DST: variants seen among roughly 807,000 people sequenced by gnomAD.
DST encodes the protein dystonin.
In DST, 253 loss-of-function variants were observed where a neutral mutation model predicts 875.2. The ratio of observed to expected loss-of-function variants is 0.29; its 90% CI spans 0.26 to 0.32. The LOEUF (loss-of-function observed/expected upper bound fraction) is 0.32. DST is among the 10% of genes least tolerant of loss of function. The probability of loss-of-function intolerance (pLI) is 1.00; values close to 1 mark genes in which losing one functional copy is unlikely to be tolerated. For synonymous variants in DST, 3,124 were observed against 3,197.1 expected, an observed-to-expected ratio of 0.98 and a Z score of 0.77; for missense variants, 8,287 against 9,111.6, an observed-to-expected ratio of 0.91 and a Z score of 3.68.
At chr6:56,588,116 C>A (rs2098197445) in intron 49 of DST, among the ~76,000 whole-genome samples, 1 of 152,152 alleles carries the variant, frequency 6.6e-6, no homozygotes, top group South Asian at 2.1e-4. Flanking sequence ...TTCTTTATAG[C>A]AACACAAGAA....
intron 5 of DST, among the ~76,000 whole-genome samples, chr6:56,720,102 G>C (rs149436489): frequency 6.6e-6 from 1 of 152,266 alleles, no homozygotes; most frequent in Non-Finnish European, 1.5e-5. Context: ...TGGGAGACTG[G>C]AGTTTATTTC....
intron 10 of DST, among the ~76,000 whole-genome samples, chr6:56,667,514 C>T (rs918654845): frequency 5.3e-5 from 8 of 152,178 alleles, no homozygotes; most frequent in African/African-American, 1.4e-4. Flanking sequence ...CACAGGACAA[C>T]GACAGAATTT....
intron 4 of DST, among the ~76,000 whole-genome samples, chr6:56,836,181 GA>G (rs1270900230): frequency 6.6e-5 from 10 of 152,016 alleles, no homozygotes; most frequent in African/African-American, 2.4e-4. Context: ...ATCAAAATCA[GA>G]ATCTTAATAA....
chr6:56,840,248 G>C (rs1311570860), intron 4 of DST, among the ~76,000 whole-genome samples: 1 of 152,046 alleles, frequency 6.6e-6, no homozygotes, highest in Non-Finnish European at 1.5e-5. Flanking sequence ...ATATGGGTTA[G>C]TTTCCTTACA....
chr6:56,734,900 T>C (rs907771215), intron 5 of DST, among the ~76,000 whole-genome samples: 2 of 152,202 alleles, frequency 1.3e-5, no homozygotes, highest in African/African-American at 4.8e-5. Context: ...AAAATCTTAC[T>C]AAGAAATGTA....
chr6:56,793,068 CAAAAAAAAAAAAAAAAAAAAAA>C (rs61457774), intron 4 of DST, among the ~76,000 whole-genome samples: 1,768 of 42,514 alleles, frequency 0.042, 100 homozygotes, highest in African/African-American at 0.1. Flanking sequence ...GACCCTGTCT[CAAAAAAAAAAAAAAAAAAAAAA>C]AAAAAAAAAG....
intron 2 of DST, among the ~76,000 whole-genome samples, chr6:56,905,115 T>G (rs1795803734): frequency 1.3e-5 from 2 of 152,120 alleles, no homozygotes; most frequent in Non-Finnish European, 2.9e-5. Context: ...AACCATTAGG[T>G]GATGGACACT....
At chr6:56,614,956 A>T (rs570124892) in intron 36 of DST, 3 of 993,354 alleles carry the variant, frequency 3.0e-6, no homozygotes, top group South Asian at 4.6e-5. Flanking sequence ...TTAGCTTTCA[A>T]GTGCGAAGAC....
intron 3 of DST, among the ~76,000 whole-genome samples, chr6:56,854,987 G>A (rs1767128196): frequency 6.6e-6 from 1 of 152,196 alleles, no homozygotes; most frequent in Non-Finnish European, 1.5e-5. Context: ...TGAAAGAGCT[G>A]TGGAGTAACC....
chr6:56,631,654 A>G (rs896418063), intron 29 of DST, among the ~76,000 whole-genome samples: 8 of 152,208 alleles, frequency 5.3e-5, no homozygotes, highest in African/African-American at 4.8e-5. Context: ...ACAAGTCCTT[A>G]TATCCTTCAT....
At position 56,487,096 on chromosome 6, in the gene DST, C is replaced by T. The variant is rs2095596112; in HGVS notation, c.21047+8G>A. 1 of 1,613,400 alleles carries T rather than the reference C, an allele frequency of 6.2e-7. No homozygotes were observed. The highest frequency in any genetic ancestry group is 1.3e-5 in the African/African-American group (1 of 74,886). ...AGAGTAACCAAACTGTCTTAAAGAA[C>T]ATTTTACCTTTCCACAGATTTTCCA... On this transcript the variant is annotated splice_region_variant and intron_variant, in intron 87 of 103. Transcript: ENST00000680361.
chr6:56,731,643 A>T (rs1351540849), intron 5 of DST, among the ~76,000 whole-genome samples: 1 of 152,170 alleles, frequency 6.6e-6, no homozygotes, highest in Non-Finnish European at 1.5e-5. Context: ...AATGCTCCTG[A>T]TTCTTTTTAA....
At position 56,698,092 on chromosome 6, in the gene DST, G is replaced by C. The variant is rs2099273563; in HGVS notation, c.1047+1561C>G. The stretch of plus-strand genomic sequence containing the variant: ...GCTAAGTGGATATTCACCTGTATTA[G>C]CTGCCCTGTAGTCTGGCTGACTAAC... On this transcript the variant is annotated intron_variant, in intron 9 of 103. Coordinates refer to ENST00000680361, the MANE Select transcript of DST (RefSeq NM_001374736.1). 2.6e-5 allele frequency among the ~76,000 whole-genome samples: 4 copies of C among 152,008 alleles called. No individual in the cohort carries two copies. In the South Asian group the frequency reaches 8.3e-4, roughly 32 times the overall value.
intron 10 of DST, among the ~76,000 whole-genome samples, chr6:56,662,874 G>A (rs545029894): frequency 1.3e-5 from 2 of 152,148 alleles, no homozygotes; most frequent in South Asian, 2.1e-4. Flanking sequence ...GCTTGAACCC[G>A]GGAGGTGGAG....
At chr6:56,665,990 T>C (rs926915565) in intron 10 of DST, among the ~76,000 whole-genome samples, 2 of 152,216 alleles carry the variant, frequency 1.3e-5, no homozygotes, top group East Asian at 3.8e-4. Context: ...TTTGTGACTG[T>C]TACTTACTTT....
intron 49 of DST, among the ~76,000 whole-genome samples, chr6:56,587,239 A>G (rs1321601351): frequency 6.6e-6 from 1 of 152,194 alleles, no homozygotes; most frequent in Non-Finnish European, 1.5e-5. Context: ...GCTGAAAGCC[A>G]AGGCTCGAGA....
chr6:56,728,555 A>C (rs1386504305), intron 5 of DST, among the ~76,000 whole-genome samples: 1 of 152,186 alleles, frequency 6.6e-6, no homozygotes, highest in African/African-American at 2.4e-5. Context: ...TCATGCCTGT[A>C]ATCCCAGCTG....
rs1448534158 is a variant in DST at position 56,612,347 on chromosome 6, C to T, written c.5059-751G>A. Among the ~76,000 whole-genome samples the T allele has an allele frequency of 9.9e-5, 15 of 152,036 alleles. No individual in the cohort carries two copies. The South Asian group carries it at 1.7e-3, about 17-fold the overall frequency. On this transcript the variant is annotated intron_variant, in intron 37 of 103. Transcript: ENST00000680361. ...TCGTGCCACTGCACTCCCACATGGG[C>T]GACAGAGTAAGATCCTATCTAAAAG... is the stretch of plus-strand genomic sequence containing the variant.
Position 56,499,534 on chromosome 6 carries a change from G to A in DST, c.19897-1481C>T, listed in dbSNP as rs530684130. On this transcript the variant is annotated intron_variant, in intron 80 of 103. Transcript: ENST00000680361. ...CTACAAAGTCAGAGCTTAGGAGTAG[G>A]AGAAGAAAGCAGGAAAGGAACGGAA... Among the ~76,000 whole-genome samples, 7 of 152,230 alleles carry A rather than the reference G, an allele frequency of 4.6e-5. No individual in the cohort carries two copies. The East Asian group carries it at 1.4e-3, about 29-fold the overall frequency.
Sources: gnomAD v4.1 joint callset for allele counts (sites outside exome capture counted in the v4.1 genomes callset) on GRCh38, gnomAD v4.1.1 for gene constraint, MANE v1.5 for transcripts, NCBI Gene and HGNC (gene_info 2026-07-23, HGNC 2026-07-21) for gene names.